Variants in ADK observed in about 807,000 individuals in gnomAD.
ADK encodes N6,N6-dimethyladenosine kinase.
A neutral mutation model predicts 44.7 loss-of-function variants in ADK; 24 were observed. The observed-to-expected ratio is 0.54, with a 90% CI of 0.39 to 0.76. ADK has a LOEUF of 0.76. Ranked by LOEUF, ADK falls within the 30% of genes least tolerant of loss-of-function variation. ADK has a pLI of 0.00. For synonymous variants in ADK, 128 were observed against 142.6 expected (o/e 0.90, Z 0.73); for missense variants, 321 against 425.1 (o/e 0.76, Z 2.15).
intron 4 of ADK, among the ~76,000 whole-genome samples, chr10:74,343,087 C>T (rs1312024428): frequency 6.6e-6 from 1 of 152,074 alleles, no homozygotes; most frequent in Non-Finnish European, 1.5e-5. Context: ...TCTAATCATT[C>T]ACCATTAAGT....
rs1372093535 is a variant in ADK, at chr10:74,577,274, A to G, written c.727-12008A>G. On this transcript the variant is annotated intron_variant, in intron 7 of 10. Transcript: ENST00000539909. ...TAAGAGACCTGTATTGATTATTTCT[A>G]TGGCTGTCCTTGCTAATTCCCACTG... Among the ~76,000 whole-genome samples, 3 of 151,834 alleles carry G rather than the reference A, an allele frequency of 2.0e-5. No individual in the cohort carries two copies. The East Asian group carries it at 5.8e-4, about 29-fold the overall frequency.
intron 9 of ADK, among the ~76,000 whole-genome samples, chr10:74,658,907 C>A (rs570878751): frequency 6.6e-6 from 1 of 152,004 alleles, no homozygotes; most frequent in Admixed American, 6.6e-5. Context: ...CATATATACA[C>A]GTGCATATAT....
chr10:74,265,542 G>T (rs1466449296), intron 3 of ADK, among the ~76,000 whole-genome samples: 3 of 152,118 alleles, frequency 2.0e-5, no homozygotes, highest in Non-Finnish European at 4.4e-5. Flanking sequence ...ATAACCAGCA[G>T]ATGTGAACAA....
In ADK at chr10:74,477,153, A is replaced by G. The variant is rs186805342; in HGVS notation, c.556-48103A>G. On this transcript the variant is annotated intron_variant, in intron 6 of 10. Coordinates refer to ENST00000539909, the MANE Select transcript of ADK (RefSeq NM_006721.4). ...TTTGTGAGACTTGTATTTTTATTCA[A>G]GTGACCACATTTAGATCTGTAACTT... Among the ~76,000 whole-genome samples the G allele has an allele frequency of 4.9e-4, 74 of 152,252 alleles. No homozygotes were observed. In the Middle Eastern group the frequency reaches 0.014, roughly 28 times the overall value.
At chr10:74,453,805 G>T (rs551153352) in intron 6 of ADK, among the ~76,000 whole-genome samples, 1 of 151,988 alleles carries the variant, frequency 6.6e-6, no homozygotes, top group Admixed American at 6.5e-5. Flanking sequence ...TTGGTTTTGT[G>T]TTTTCAAAAG....
At position 74,304,399 on chromosome 10, in the gene ADK, C is replaced by T. The variant is rs564810468; in HGVS notation, c.195-10268C>T. On this transcript the variant is annotated intron_variant, in intron 3 of 10. Transcript: ENST00000539909. ...AAAGAGTGGAATAGTGCATTATACA[C>T]GCACACACTCAAGGGAAGCAAGTAT... 1.2e-4 allele frequency among the ~76,000 whole-genome samples: 19 copies of T among 152,232 alleles called. No homozygotes were observed. In the South Asian group the frequency reaches 3.3e-3, roughly 27 times the overall value.
At chr10:74,326,523 A>T (rs1841021831) in intron 4 of ADK, among the ~76,000 whole-genome samples, 1 of 151,734 alleles carries the variant, frequency 6.6e-6, no homozygotes, top group South Asian at 2.1e-4. Context: ...AGGCAGGAGG[A>T]TTGCTTGAGC....
intron 10 of ADK, among the ~76,000 whole-genome samples, chr10:74,695,474 G>A (rs201427682): frequency 3.9e-3 from 321 of 82,452 alleles, no homozygotes; most frequent in East Asian, 0.023. Context: ...ATATATATAT[G>A]TGTGTGTGTG....
intron 6 of ADK, among the ~76,000 whole-genome samples, chr10:74,497,699 T>A (rs1847739719): frequency 6.6e-6 from 1 of 152,156 alleles, no homozygotes; most frequent in Non-Finnish European, 1.5e-5. Context: ...AGTGCAGTGG[T>A]ACACTCCTGT....
At chr10:74,180,768 G>T (rs766839562) in intron 1 of ADK, among the ~76,000 whole-genome samples, 1 of 152,126 alleles carries the variant, frequency 6.6e-6, no homozygotes, top group South Asian at 2.1e-4. Flanking sequence ...GGCCATGCTA[G>T]TCTTGAATTC....
intron 2 of ADK, among the ~76,000 whole-genome samples, chr10:74,213,959 T>G (rs889732835): frequency 6.6e-6 from 1 of 152,124 alleles, no homozygotes; most frequent in East Asian, 1.9e-4. Flanking sequence ...TTTTGAACAA[T>G]TATCAGTAAA....
At chr10:74,191,428 C>T (rs1441848741) in intron 1 of ADK, among the ~76,000 whole-genome samples, 1 of 151,490 alleles carries the variant, frequency 6.6e-6, no homozygotes, top group African/African-American at 2.4e-5. Flanking sequence ...GACAGGGTCT[C>T]ACTATGTCAA....
chr10:74,703,152 G>C (rs1026095407), intron 10 of ADK, among the ~76,000 whole-genome samples: 28 of 152,070 alleles, frequency 1.8e-4, no homozygotes, highest in African/African-American at 6.5e-4. Flanking sequence ...TCCAAAATTA[G>C]AATCAGTCTA....
At chr10:74,703,273 G>A (rs1404077586) in intron 10 of ADK, among the ~76,000 whole-genome samples, 1 of 152,094 alleles carries the variant, frequency 6.6e-6, no homozygotes, top group African/African-American at 2.4e-5. Flanking sequence ...CTTGAGTCCA[G>A]GAGTTCGAGA....
At chr10:74,309,560 C>G (rs912663638) in intron 3 of ADK, among the ~76,000 whole-genome samples, 2 of 152,074 alleles carry the variant, frequency 1.3e-5, no homozygotes, top group Non-Finnish European at 2.9e-5. Flanking sequence ...CTCTTATAAG[C>G]AGAGTTATAA....
At chr10:74,669,075 G>A (rs1855076972) in intron 9 of ADK, among the ~76,000 whole-genome samples, 1 of 151,892 alleles carries the variant, frequency 6.6e-6, no homozygotes, top group African/African-American at 2.4e-5. Flanking sequence ...TTGACTAAGT[G>A]AATGAGTCCT....
intron 6 of ADK, among the ~76,000 whole-genome samples, chr10:74,451,025 T>A (rs1258761463): frequency 6.6e-6 from 1 of 151,390 alleles, no homozygotes; most frequent in African/African-American, 2.4e-5. Flanking sequence ...TCCTTTCTGG[T>A]TTTCATGCTT....
chr10:74,602,375 T>C (rs1440362512), intron 9 of ADK, among the ~76,000 whole-genome samples: 1 of 152,174 alleles, frequency 6.6e-6, no homozygotes, highest in African/African-American at 2.4e-5. Context: ...CTTATAGGAA[T>C]TGTAGTACTA....
chr10:74,666,693 G>A (rs1854966465), intron 9 of ADK, among the ~76,000 whole-genome samples: 1 of 152,100 alleles, frequency 6.6e-6, no homozygotes, highest in Non-Finnish European at 1.5e-5. Flanking sequence ...GAGTGTTGTA[G>A]GCTTCATTGG....
Sources: allele counts gnomAD v4.1 joint callset (sites outside exome capture counted in the v4.1 genomes callset), GRCh38; gene constraint gnomAD v4.1.1; transcripts MANE v1.5; gene names NCBI Gene and HGNC (gene_info 2026-07-23, HGNC 2026-07-21).